LHX8: variants seen among roughly 807,000 people sequenced by gnomAD.
The protein encoded by LHX8 is LIM homeobox 8, also known as LIM/homeobox protein Lhx8.
In LHX8, 12 loss-of-function variants were observed where a neutral mutation model predicts 40.3. That is an observed-to-expected ratio of 0.30 (90% confidence interval 0.19 to 0.48). LHX8 has a LOEUF of 0.48. LHX8 is among the 20% of genes least tolerant of loss of function. The pLI is 0.99. For synonymous variants in LHX8, 179 were observed against 162.0 expected (o/e 1.10, Z -0.80); for missense variants, 344 against 433.7 (o/e 0.79, Z 1.84).
the LHX8 span, among the ~76,000 whole-genome samples, chr1:75,180,965 G>T: frequency 6.6e-6 from 1 of 152,208 alleles, no homozygotes. Context: ...CTGAAAGTCT[G>T]TTGGAGTTTG....
chr1:75,162,805 AC>A (rs1258989064), downstream of LHX8, among the ~76,000 whole-genome samples: 1 of 152,178 alleles, frequency 6.6e-6, no homozygotes, highest in Non-Finnish European at 1.5e-5. Flanking sequence ...TATTTTTAAA[AC>A]CTAATATTAG....
chr1:75,134,219 C>G (rs1365553235), upstream of LHX8, among the ~76,000 whole-genome samples: 1 of 151,854 alleles, frequency 6.6e-6, no homozygotes, highest in Non-Finnish European at 1.5e-5. Flanking sequence ...TTGGCGTGTT[C>G]TGATAAAGAT....
chr1:75,134,984 G>A, intron 1 of LHX8, 30 bp downstream of exon 1: 1 of 970,886 alleles, frequency 1.0e-6, no homozygotes, highest in Non-Finnish European at 1.2e-6. Flanking sequence ...TATTTGCTGT[G>A]GTGATCGTGG....
At chr1:75,166,324 T>G (rs1045650833), downstream of LHX8, among the ~76,000 whole-genome samples, 4 of 152,228 alleles carry the variant, frequency 2.6e-5, no homozygotes, top group African/African-American at 9.6e-5. Context: ...AAAGAATTAT[T>G]CAGTCAAGTA....
the LHX8 span, among the ~76,000 whole-genome samples, chr1:75,192,915 A>G: frequency 6.6e-6 from 1 of 152,096 alleles, no homozygotes; most frequent in African/African-American, 2.4e-5. Context: ...GCTGGCCTTG[A>G]ACTCCTGACC....
intron 1 of LHX8, among the ~76,000 whole-genome samples, chr1:75,135,234 G>A (rs868842440): frequency 6.6e-6 from 1 of 152,366 alleles, no homozygotes; most frequent in African/African-American, 2.4e-5. Context: ...GACTGGGGAA[G>A]CTGACAAGCT....
At chr1:75,170,374 A>T in the LHX8 span, among the ~76,000 whole-genome samples, 203 of 152,320 alleles carry the variant, frequency 1.3e-3, no homozygotes, top group African/African-American at 4.4e-3. Context: ...TTGGCCAGCA[A>T]GTCAAGCAAA....
the LHX8 span, among the ~76,000 whole-genome samples, chr1:75,168,986 C>T: frequency 2.0e-5 from 3 of 152,140 alleles, no homozygotes; most frequent in Non-Finnish European, 2.9e-5. Context: ...AAAATATGTT[C>T]AAAAAGATGT....
At chr1:75,139,680 G>C (rs1379895218) in intron 3 of LHX8, among the ~76,000 whole-genome samples, 4 of 151,994 alleles carry the variant, frequency 2.6e-5, no homozygotes, top group Non-Finnish European at 4.4e-5. Flanking sequence ...ATTGTCTATA[G>C]TGAGCATGTA....
chr1:75,159,734 T>G (rs1249199298), intron 8 of LHX8: 1 of 152,192 alleles, frequency 6.6e-6, no homozygotes, highest in Admixed American at 6.6e-5. Context: ...TATTTGCTAT[T>G]GCATTTCAGA....
the LHX8 span, among the ~76,000 whole-genome samples, chr1:75,173,223 A>T: frequency 1.3e-5 from 2 of 152,062 alleles, no homozygotes; most frequent in East Asian, 3.9e-4. Flanking sequence ...GAGCTTACAC[A>T]TGTTAACTTT....
chr1:75,140,157 A>G (rs562889475), intron 3 of LHX8, among the ~76,000 whole-genome samples: 1 of 152,338 alleles, frequency 6.6e-6, no homozygotes, highest in Admixed American at 6.5e-5. Context: ...AAGTAAGAGT[A>G]ATTATGACTT....
At chr1:75,169,804 C>T in the LHX8 span, among the ~76,000 whole-genome samples, 4 of 152,308 alleles carry the variant, frequency 2.6e-5, no homozygotes, top group Admixed American at 6.5e-5. Flanking sequence ...GATTGCCTTT[C>T]GTGGCCCTAC....
At chr1:75,135,757 G>T (rs907547899) in intron 1 of LHX8, among the ~76,000 whole-genome samples, 2 of 152,252 alleles carry the variant, frequency 1.3e-5, no homozygotes, top group Non-Finnish European at 2.9e-5. Context: ...TTTTGTCAGA[G>T]GTTGGGTGAG....
chr1:75,137,359 A>G, intron 3 of LHX8, 98 bp downstream of exon 3: 1 of 1,284,462 alleles, frequency 7.8e-7, no homozygotes, highest in Non-Finnish European at 1.1e-6. Context: ...TTTCCGTTCA[A>G]GTTCTGGGTG....
rs977937781 is a variant in LHX8 at position 75,160,935 on chromosome 1, T to G, written c.*40T>G. 7.2e-6 allele frequency: 10 copies of G among 1,394,376 alleles called. No homozygotes were observed. The highest frequency in any genetic ancestry group is 1.0e-6 in the Non-Finnish European group (1 of 980,144). The allele number at this position is 1,394,376 out of a possible 1,614,324, so 86.4% of individuals were successfully genotyped here. A position where few individuals can be genotyped will look rare whatever the true frequency, so the allele number is the denominator to read the frequency against. On this transcript the variant is annotated 3_prime_UTR_variant, in exon 9 of 9. Transcript: ENST00000356261. ...ATAGACTTGATTAAGGATATAAATTTGTCATTTATTATGTATAAAATACCA... is the reference window on the plus strand; with the variant it reads ...ATAGACTTGATTAAGGATATAAATTGGTCATTTATTATGTATAAAATACCA...
the LHX8 span, among the ~76,000 whole-genome samples, chr1:75,169,916 CT>C: frequency 2.6e-5 from 4 of 152,228 alleles, no homozygotes; most frequent in South Asian, 6.2e-4. Context: ...AACTGGCTCA[CT>C]TTTCAGGCTT....
At chr1:75,188,021 A>G in the LHX8 span, among the ~76,000 whole-genome samples, 1 of 152,130 alleles carries the variant, frequency 6.6e-6, no homozygotes, top group Non-Finnish European at 1.5e-5. Context: ...ATGCCCCTTC[A>G]TCTGTCCTTC....
chr1:75,195,294 T>TA, the LHX8 span, among the ~76,000 whole-genome samples: 1 of 152,070 alleles, frequency 6.6e-6, no homozygotes, highest in Non-Finnish European at 1.5e-5. Context: ...CGAGAGTAGG[T>TA]AGCAAGTGTA....
Sources: gnomAD v4.1 joint callset for allele counts (sites outside exome capture counted in the v4.1 genomes callset) on GRCh38, gnomAD v4.1.1 for gene constraint, MANE v1.5 for transcripts, NCBI Gene and HGNC (gene_info 2026-07-23, HGNC 2026-07-21) for gene names.